PTPRM: variants seen among roughly 807,000 people sequenced by gnomAD.
The protein encoded by PTPRM is receptor-type tyrosine-protein phosphatase mu.
Under a neutral mutation model 186.7 loss-of-function variants are expected in PTPRM, and 47 were observed. That is an observed-to-expected ratio of 0.25 (90% CI 0.20 to 0.32). The LOEUF is 0.32. Ranked by LOEUF, PTPRM falls within the 10% of genes least tolerant of loss-of-function variation. PTPRM has a pLI of 1.00. For missense variants in PTPRM, 1,494 were observed against 1,865.0 expected, an observed-to-expected ratio of 0.80 and a Z score of 3.66; for synonymous variants, 668 against 674.9, an observed-to-expected ratio of 0.99 and a Z score of 0.16.
At chr18:7,636,848 C>T (rs1013381831) in intron 1 of PTPRM, among the ~76,000 whole-genome samples, 1 of 152,092 alleles carries the variant, frequency 6.6e-6, no homozygotes, top group Non-Finnish European at 1.5e-5. Flanking sequence ...ACTTTACAGT[C>T]ATATCAATTA....
chr18:8,165,250 G>A (rs1047656348), intron 14 of PTPRM, among the ~76,000 whole-genome samples: 9 of 151,948 alleles, frequency 5.9e-5, no homozygotes, highest in African/African-American at 1.5e-4. Flanking sequence ...TCTTGGCACC[G>A]CTCATCATTC....
At chr18:8,351,988 A>C (rs656568) in intron 23 of PTPRM, among the ~76,000 whole-genome samples, 1 of 152,044 alleles carries the variant, frequency 6.6e-6, no homozygotes, top group Non-Finnish European at 1.5e-5. Flanking sequence ...CAAAGAGCTC[A>C]ATTTGTCATG....
chr18:8,068,376 A>G (rs1238894839), intron 7 of PTPRM, among the ~76,000 whole-genome samples: 1 of 152,208 alleles, frequency 6.6e-6, no homozygotes, highest in African/African-American at 2.4e-5. Flanking sequence ...AAAACCCTGA[A>G]TGCTGAATTT....
intron 14 of PTPRM, among the ~76,000 whole-genome samples, chr18:8,162,965 A>G (rs1359362808): frequency 6.6e-6 from 1 of 152,180 alleles, no homozygotes; most frequent in Non-Finnish European, 1.5e-5. Flanking sequence ...CTCAGGGCAC[A>G]TCTAACAGAG....
At chr18:7,794,181 G>GA (rs1226597802) in intron 2 of PTPRM, among the ~76,000 whole-genome samples, 4 of 152,298 alleles carry the variant, frequency 2.6e-5, no homozygotes, top group African/African-American at 7.2e-5. Flanking sequence ...AGAACTCTGG[G>GA]ATACAGAAAT....
chr18:8,232,766 CAA>C (rs1232477134), intron 14 of PTPRM, among the ~76,000 whole-genome samples: 1 of 152,068 alleles, frequency 6.6e-6, no homozygotes, highest in African/African-American at 2.4e-5. Context: ...TTGGACTGAA[CAA>C]AAGAGGACGA....
At chr18:8,399,198 C>T (rs190266665) in intron 32 of PTPRM, among the ~76,000 whole-genome samples, 220 of 152,310 alleles carry the variant, frequency 1.4e-3, no homozygotes, top group African/African-American at 5.1e-3. Context: ...CAACGCAGAT[C>T]GGTTGTTTCA....
intron 1 of PTPRM, among the ~76,000 whole-genome samples, chr18:7,652,311 T>A (rs2038730496): frequency 6.6e-6 from 1 of 152,136 alleles, no homozygotes; most frequent in Admixed American, 6.5e-5. Context: ...GGTGGGACTG[T>A]AAACTAGTTC....
At chr18:7,936,016 T>C (rs1003061200) in intron 5 of PTPRM, among the ~76,000 whole-genome samples, 1 of 152,348 alleles carries the variant, frequency 6.6e-6, no homozygotes, top group East Asian at 1.9e-4. Context: ...GAAGGTTCAC[T>C]TGCTCTTCTT....
chr18:8,279,477 T>TAACAGCC (rs2094876691), intron 19 of PTPRM, among the ~76,000 whole-genome samples: 1 of 152,316 alleles, frequency 6.6e-6, no homozygotes, highest in South Asian at 2.1e-4. Flanking sequence ...AAGAGTGGGT[T>TAACAGCC]AACAGCCGGA....
chr18:7,684,118 A>G (rs2039541400), intron 1 of PTPRM, among the ~76,000 whole-genome samples: 1 of 151,904 alleles, frequency 6.6e-6, no homozygotes, highest in Non-Finnish European at 1.5e-5. Flanking sequence ...AGACTCAGAA[A>G]TTAGAATCTC....
At chr18:7,922,261 G>A (rs1333357524) in intron 4 of PTPRM, among the ~76,000 whole-genome samples, 1 of 152,208 alleles carries the variant, frequency 6.6e-6, no homozygotes, top group African/African-American at 2.4e-5. Context: ...ACAGTGAGGT[G>A]CTGCTTAACA....
At chr18:7,679,123 G>T (rs1039361488) in intron 1 of PTPRM, among the ~76,000 whole-genome samples, 1 of 152,104 alleles carries the variant, frequency 6.6e-6, no homozygotes, top group Non-Finnish European at 1.5e-5. Context: ...GTACATTTTT[G>T]AGCCTTTATC....
chr18:7,752,954 T>C (rs1458684371), intron 1 of PTPRM, among the ~76,000 whole-genome samples: 1 of 152,154 alleles, frequency 6.6e-6, no homozygotes, highest in Non-Finnish European at 1.5e-5. Flanking sequence ...CTAACCCCTC[T>C]TTAAAATAAA....
intron 7 of PTPRM, among the ~76,000 whole-genome samples, chr18:8,001,537 T>G (rs2083873099): frequency 1.3e-5 from 2 of 152,156 alleles, no homozygotes; most frequent in South Asian, 4.1e-4. Flanking sequence ...AGGTTTGTTT[T>G]TTTTTTTATT....
chr18:7,834,915 C>T (rs914405201), intron 2 of PTPRM, among the ~76,000 whole-genome samples: 2 of 149,772 alleles, frequency 1.3e-5, no homozygotes, highest in South Asian at 2.1e-4. Flanking sequence ...CTCATAATAG[C>T]CACTAATGGT....
At chr18:8,285,574 C>G (rs1232947379) in intron 19 of PTPRM, among the ~76,000 whole-genome samples, 2 of 152,224 alleles carry the variant, frequency 1.3e-5, no homozygotes. Context: ...AGCGTTCTCT[C>G]TCAGCCAAAG....
rs374308063 is a variant in PTPRM, at chr18:8,270,675, C to CA, written c.2754+17268dup. ...TATGCAATGGAATATTATTCAGCCA[C>CA]AAAAAAAGAAGTCTACCCTGCCATT... On this transcript the variant is annotated intron_variant, in intron 19 of 32. Transcript: ENST00000580170. Among the ~76,000 whole-genome samples, 431 of 151,938 alleles carry CA rather than the reference C, an allele frequency of 2.8e-3. 4 individuals carry two copies. The highest frequency in any genetic ancestry group is 9.8e-3 in the African/African-American group (408 of 41,490).
At position 8,127,940 on chromosome 18, in the gene PTPRM, C is replaced by G. The variant is rs117850655; in HGVS notation, c.2167+13113C>G. 7.9e-5 allele frequency among the ~76,000 whole-genome samples: 12 copies of G among 152,176 alleles called. No individual in the cohort carries two copies. In the East Asian group the frequency reaches 2.3e-3, roughly 29 times the overall value. Reference sequence around the variant, plus strand: ...CAACATAAACAGTTCAATAAATGCTCCACTTCCATAAGCTTACCAACACCT... The same window carrying G: ...CAACATAAACAGTTCAATAAATGCTGCACTTCCATAAGCTTACCAACACCT... On this transcript the variant is annotated intron_variant, in intron 13 of 32. Coordinates refer to ENST00000580170, the MANE Select transcript of PTPRM (RefSeq NM_001105244.2).
Sources: allele counts gnomAD v4.1 joint callset (sites outside exome capture counted in the v4.1 genomes callset), GRCh38; gene constraint gnomAD v4.1.1; transcripts MANE v1.5; gene names NCBI Gene and HGNC (gene_info 2026-07-23, HGNC 2026-07-21).